IMMP2L: variants seen among roughly 807,000 people sequenced by gnomAD.
The protein encoded by IMMP2L is mitochondrial inner membrane protease subunit 2.
In IMMP2L, 18 loss-of-function variants were observed where a neutral mutation model predicts 19.3. The ratio of observed to expected loss-of-function variants is 0.93; its 90% CI spans 0.64 to 1.38. IMMP2L has a LOEUF of 1.38. IMMP2L is among the 40% of genes most tolerant of loss of function. IMMP2L has a pLI of 0.00. For missense variants in IMMP2L, 233 were observed against 218.2 expected (o/e 1.07, Z -0.43); for synonymous variants, 76 against 73.0 (o/e 1.04, Z -0.21).
At chr7:110,908,916 T>C (rs1332721491) in intron 4 of IMMP2L, among the ~76,000 whole-genome samples, 2 of 152,182 alleles carry the variant, frequency 1.3e-5, no homozygotes, top group Non-Finnish European at 2.9e-5. Flanking sequence ...ACTTTAAATT[T>C]AGTAGGAAAG....
chr7:111,031,381 G>T (rs375147328), intron 3 of IMMP2L, among the ~76,000 whole-genome samples: 3 of 72,590 alleles, frequency 4.1e-5, no homozygotes, highest in African/African-American at 7.6e-5. Context: ...GGGGTGTAGG[G>T]GTGTGTGTGT....
At chr7:111,257,588 T>G (rs945503134) in intron 3 of IMMP2L, among the ~76,000 whole-genome samples, 10 of 152,116 alleles carry the variant, frequency 6.6e-5, no homozygotes, top group Non-Finnish European at 1.0e-4. Context: ...ATTTTACTCA[T>G]GTGAGTCTTC....
chr7:110,861,360 C>T (rs1807412745), intron 5 of IMMP2L, among the ~76,000 whole-genome samples: 1 of 151,700 alleles, frequency 6.6e-6, no homozygotes, highest in South Asian at 2.1e-4. Flanking sequence ...CTCACTGCAT[C>T]CTCAAACTCC....
chr7:110,905,057 C>T (rs1812308253), intron 4 of IMMP2L, among the ~76,000 whole-genome samples: 1 of 152,170 alleles, frequency 6.6e-6, no homozygotes, highest in South Asian at 2.1e-4. Context: ...CTACTTACCA[C>T]CTGCTGTTTC....
At chr7:111,492,628 G>C (rs545115827) in intron 2 of IMMP2L, among the ~76,000 whole-genome samples, 1 of 152,174 alleles carries the variant, frequency 6.6e-6, no homozygotes, top group Non-Finnish European at 1.5e-5. Context: ...TTTTAACTTC[G>C]TCTTTCCCTT....
chr7:111,261,352 G>A (rs1035817142), intron 3 of IMMP2L, among the ~76,000 whole-genome samples: 12 of 152,158 alleles, frequency 7.9e-5, no homozygotes, highest in Admixed American at 7.9e-4. Context: ...TGTTCTTTGT[G>A]TATAGTACAA....
chr7:111,232,813 C>G (rs950948126), intron 3 of IMMP2L, among the ~76,000 whole-genome samples: 1 of 152,036 alleles, frequency 6.6e-6, no homozygotes, highest in Non-Finnish European at 1.5e-5. Flanking sequence ...TTTACCTCCC[C>G]ACCTACCATT....
chr7:111,446,042 G>A (rs373257483), intron 3 of IMMP2L, among the ~76,000 whole-genome samples: 2,434 of 152,096 alleles, frequency 0.016, 63 homozygotes, highest in African/African-American at 0.056. Context: ...CCCACACCTG[G>A]CTCGGAGGGT....
chr7:111,388,768 CG>C (rs879782754), intron 3 of IMMP2L, among the ~76,000 whole-genome samples: 2 of 151,952 alleles, frequency 1.3e-5, no homozygotes, highest in Non-Finnish European at 2.9e-5. Context: ...CAGGAAAGAC[CG>C]GCCCCCATGA....
At chr7:111,528,423 G>T (rs985312494) in intron 1 of IMMP2L, among the ~76,000 whole-genome samples, 10 of 152,152 alleles carry the variant, frequency 6.6e-5, no homozygotes, top group Non-Finnish European at 8.8e-5. Context: ...GCTTAAAATT[G>T]TAAGTACACC....
At chr7:110,776,462 G>C (rs1799395782) in intron 5 of IMMP2L, among the ~76,000 whole-genome samples, 1 of 151,914 alleles carries the variant, frequency 6.6e-6, no homozygotes, top group African/African-American at 2.4e-5. Flanking sequence ...CCTTAACTGA[G>C]GACACCATCA....
At chr7:111,112,013 T>C (rs2129583975) in intron 3 of IMMP2L, among the ~76,000 whole-genome samples, 1 of 145,268 alleles carries the variant, frequency 6.9e-6, no homozygotes, top group African/African-American at 2.6e-5. Context: ...AGTGGTGCGA[T>C]CTCGGCTCAC....
intron 4 of IMMP2L, chr7:110,962,971 T>C (rs1819125444): frequency 1.4e-6 from 2 of 1,469,606 alleles, no homozygotes; most frequent in East Asian, 2.5e-5. Flanking sequence ...GTACAATAAA[T>C]ACGACATTAC....
At chr7:111,122,591 T>G in intron 3 of IMMP2L, 1 of 584,150 alleles carries the variant, frequency 1.7e-6, no homozygotes, top group Non-Finnish European at 3.0e-6. Context: ...ATGCATGACA[T>G]TTTTGGACAA....
intron 5 of IMMP2L, among the ~76,000 whole-genome samples, chr7:110,872,720 C>T (rs1252138519): frequency 6.6e-6 from 1 of 152,194 alleles, no homozygotes; most frequent in Non-Finnish European, 1.5e-5. Flanking sequence ...CAACTAGATC[C>T]TGCCCCACTG....
chr7:110,838,387 T>C (rs1804718423), intron 5 of IMMP2L, among the ~76,000 whole-genome samples: 1 of 152,178 alleles, frequency 6.6e-6, no homozygotes, highest in Non-Finnish European at 1.5e-5. Context: ...TCTACAGTTT[T>C]ATAGGTTGCT....
At chr7:110,700,422 T>C (rs1454189469) in intron 5 of IMMP2L, among the ~76,000 whole-genome samples, 1 of 152,140 alleles carries the variant, frequency 6.6e-6, no homozygotes, top group Non-Finnish European at 1.5e-5. Flanking sequence ...AGATTTTACC[T>C]TGCTTTGGTG....
At chr7:110,704,479 C>T (rs1055712576) in intron 5 of IMMP2L, among the ~76,000 whole-genome samples, 8 of 152,206 alleles carry the variant, frequency 5.3e-5, no homozygotes, top group African/African-American at 1.7e-4. Context: ...GAGACTCTAT[C>T]GTAACCATTT....
At chr7:111,316,918 C>A (rs1223995068) in intron 3 of IMMP2L, among the ~76,000 whole-genome samples, 1 of 134,566 alleles carries the variant, frequency 7.4e-6, no homozygotes, top group Admixed American at 8.6e-5. Context: ...GGCGAGATCT[C>A]GGCTCACTGC....
Sources: allele counts gnomAD v4.1 joint callset (sites outside exome capture counted in the v4.1 genomes callset), GRCh38; gene constraint gnomAD v4.1.1; transcripts MANE v1.5; gene names NCBI Gene and HGNC (gene_info 2026-07-23, HGNC 2026-07-21).